SOX5: variants seen among roughly 807,000 people sequenced by gnomAD.
SOX5 encodes the protein SRY-box transcription factor 5.
In SOX5, 9 loss-of-function variants were observed where a neutral mutation model predicts 92.0. The observed-to-expected ratio is 0.10, with a 90% CI of 0.06 to 0.17. The LOEUF (loss-of-function observed/expected upper bound fraction) is 0.17. Among genes scored for constraint, SOX5 ranks in the 10% least tolerant of loss-of-function variants. SOX5 has a pLI of 1.00. For missense variants in SOX5, 642 were observed against 944.5 expected, an observed-to-expected ratio of 0.68 and a Z score of 4.20; for synonymous variants, 344 against 336.3, an observed-to-expected ratio of 1.02 and a Z score of -0.25.
upstream of SOX5, among the ~76,000 whole-genome samples, chr12:23,952,307 C>G (rs749739451): frequency 1.6e-4 from 24 of 152,060 alleles, no homozygotes; most frequent in Admixed American, 1.1e-3. Context: ...TGCTGAGATC[C>G]GTATGGTCCC....
chr12:24,344,999 T>A lies in SOX5; in HGVS notation c.-174+23564A>T, dbSNP rs191535907. 7.2e-5 allele frequency among the ~76,000 whole-genome samples: 11 copies of A among 152,272 alleles called. No homozygotes were observed. In the East Asian group the frequency reaches 2.1e-3, roughly 29 times the overall value. ...TTAAAGAAATTCTTATTTACTCAGG[T>A]CAATTACATGCTAATAGCCAAGGAA... On this transcript the variant is annotated intron_variant, in intron 2 of 4. Transcript: ENST00000446891.
At chr12:24,304,751 C>G (rs894804792) in intron 2 of SOX5, among the ~76,000 whole-genome samples, 1 of 152,168 alleles carries the variant, frequency 6.6e-6, no homozygotes, top group Non-Finnish European at 1.5e-5. Flanking sequence ...TCCTGTCAAG[C>G]CTGCTCTCCT....
chr12:24,288,865 CATT>C (rs1946248531), intron 2 of SOX5, among the ~76,000 whole-genome samples: 2 of 152,110 alleles, frequency 1.3e-5, no homozygotes, highest in Admixed American at 1.3e-4. Flanking sequence ...TTTCAATAGA[CATT>C]ATAATAATTA....
At chr12:23,681,004 A>G (rs2086537204) in intron 6 of SOX5, among the ~76,000 whole-genome samples, 1 of 152,142 alleles carries the variant, frequency 6.6e-6, no homozygotes, top group African/African-American at 2.4e-5. Flanking sequence ...GAAATAGGTA[A>G]GATGCAAATA....
At chr12:24,330,888 T>C (rs1371564208) in intron 2 of SOX5, among the ~76,000 whole-genome samples, 2 of 152,180 alleles carry the variant, frequency 1.3e-5, no homozygotes, top group African/African-American at 4.8e-5. Context: ...AGACCATCAA[T>C]GGACAAGAGA....
intron 4 of SOX5, among the ~76,000 whole-genome samples, chr12:23,962,105 G>T (rs1453557491): frequency 6.6e-6 from 1 of 152,024 alleles, no homozygotes; most frequent in Non-Finnish European, 1.5e-5. Context: ...ACTGAAGTGT[G>T]TAAAAAAAAG....
intron 2 of SOX5, among the ~76,000 whole-genome samples, chr12:24,367,220 AGAGT>A (rs1956264703): frequency 6.6e-6 from 1 of 152,204 alleles, no homozygotes; most frequent in Admixed American, 6.5e-5. Context: ...ATAAATGCCA[AGAGT>A]GAGTATTTTA....
At chr12:23,562,069 A>C (rs1216880018) in intron 11 of SOX5, among the ~76,000 whole-genome samples, 1 of 152,168 alleles carries the variant, frequency 6.6e-6, no homozygotes, top group South Asian at 2.1e-4. Context: ...GCTTGCTATC[A>C]TTCCTTCTTA....
chr12:23,614,274 T>C (rs2076293798), intron 8 of SOX5, among the ~76,000 whole-genome samples: 1 of 152,214 alleles, frequency 6.6e-6, no homozygotes, highest in African/African-American at 2.4e-5. Flanking sequence ...AAAATATGTT[T>C]ATTAGCATTT....
rs115302967 is a variant in SOX5 at position 23,910,285 on chromosome 12, G to C, written c.39-14261C>G. On this transcript the variant is annotated intron_variant, in intron 1 of 14. Coordinates refer to ENST00000451604, the MANE Select transcript of SOX5 (RefSeq NM_006940.6). ...TTTCTTGTAGAATATGTATTTCAAAGGGAGTTGGCTAAATGCATACTCAAA... is the reference window on the plus strand; with the variant it reads ...TTTCTTGTAGAATATGTATTTCAAACGGAGTTGGCTAAATGCATACTCAAA... Among the ~76,000 whole-genome samples the C allele has an allele frequency of 8.3e-3, 1,258 of 152,172 alleles. 16 individuals are homozygous for C. The highest frequency in any genetic ancestry group is 0.029 in the African/African-American group (1,192 of 41,522).
chr12:24,425,240 T>C lies in SOX5; in HGVS notation c.-250-56601A>G, dbSNP rs554423292. Among the ~76,000 whole-genome samples the C allele has an allele frequency of 2.2e-4, 34 of 152,346 alleles. No individual in the cohort carries two copies. In the South Asian group the frequency reaches 6.8e-3, roughly 31 times the overall value. On this transcript the variant is annotated intron_variant, in intron 1 of 4. Coordinates refer to the SOX5 transcript ENST00000446891. The stretch of plus-strand genomic sequence containing the variant: ...TTCGTGATGTTATCTCTCTATACTT[T>C]ATGAATGAACACTCATTAATCATAG...
intron 1 of SOX5, among the ~76,000 whole-genome samples, chr12:24,550,011 A>G (rs1011846773): frequency 1.3e-5 from 2 of 152,176 alleles, no homozygotes; most frequent in Admixed American, 1.3e-4. Flanking sequence ...ATATTTTTCT[A>G]TGTTACAATG....
chr12:23,768,456 C>T (rs1295802619), intron 3 of SOX5, among the ~76,000 whole-genome samples: 1 of 152,094 alleles, frequency 6.6e-6, no homozygotes, highest in Non-Finnish European at 1.5e-5. Flanking sequence ...AAGATGAACA[C>T]CAGGATGAAT....
intron 3 of SOX5, among the ~76,000 whole-genome samples, chr12:23,768,263 A>C (rs2094805418): frequency 6.6e-6 from 1 of 152,150 alleles, no homozygotes; most frequent in South Asian, 2.1e-4. Flanking sequence ...GCAAGCTTTT[A>C]CAAACTTGGA....
At chr12:24,090,790 G>T (rs1017450146) in intron 4 of SOX5, among the ~76,000 whole-genome samples, 6 of 152,100 alleles carry the variant, frequency 3.9e-5, no homozygotes, top group Admixed American at 2.6e-4. Context: ...TGAGATAATG[G>T]GGAAATGATA....
At chr12:24,495,166 C>T (rs1356652812) in intron 1 of SOX5, among the ~76,000 whole-genome samples, 4 of 152,216 alleles carry the variant, frequency 2.6e-5, no homozygotes, top group East Asian at 1.9e-4. Flanking sequence ...TTTACTTCTT[C>T]AATTTGGCTA....
chr12:23,605,076 A>G (rs12311522), intron 8 of SOX5, among the ~76,000 whole-genome samples: 2,393 of 152,288 alleles, frequency 0.016, 68 homozygotes, highest in African/African-American at 0.053. Context: ...GTCTACCTAC[A>G]TTGATAAAAA....
At chr12:23,632,404 T>C (rs892366362) in intron 8 of SOX5, among the ~76,000 whole-genome samples, 2 of 152,142 alleles carry the variant, frequency 1.3e-5, no homozygotes, top group African/African-American at 2.4e-5. Context: ...TAGGTAAAGA[T>C]GAACACTTAA....
chr12:24,244,338 G>A (rs1196889800), intron 3 of SOX5, among the ~76,000 whole-genome samples: 2 of 152,202 alleles, frequency 1.3e-5, no homozygotes, highest in African/African-American at 4.8e-5. Flanking sequence ...TGCAAATGCA[G>A]GCAGTTATGT....
Sources: gnomAD v4.1 joint callset for allele counts (sites outside exome capture counted in the v4.1 genomes callset) on GRCh38, gnomAD v4.1.1 for gene constraint, MANE v1.5 for transcripts, NCBI Gene and HGNC (gene_info 2026-07-23, HGNC 2026-07-21) for gene names.